HK2: variants seen among roughly 807,000 people sequenced by gnomAD.
The protein encoded by HK2 is hexokinase 2.
A neutral mutation model predicts 92.9 loss-of-function variants in HK2; 42 were observed. The ratio of observed to expected loss-of-function variants is 0.45; its 90% CI spans 0.35 to 0.58. HK2 has a LOEUF of 0.58. Among genes scored for constraint, HK2 ranks in the 20% least tolerant of loss-of-function variants. The pLI is 0.00. For synonymous variants in HK2, 422 were observed against 468.0 expected (o/e 0.90, Z 1.27); for missense variants, 978 against 1,245.1 (o/e 0.79, Z 3.23).
rs1427539612 is a variant in HK2 at position 74,834,136 on chromosome 2, C to G, written c.-445C>G. 2 of 333,062 alleles carry G rather than the reference C, an allele frequency of 6.0e-6. No individual in the cohort carries two copies. The highest frequency in any genetic ancestry group is 1.2e-5 in the Non-Finnish European group (2 of 168,870). 20.6% of individuals were successfully genotyped at this position (333,062 alleles called of 1,614,324 possible). A position where few individuals can be genotyped will look rare whatever the true frequency, so the allele number is the denominator to read the frequency against. On this transcript the variant is annotated 5_prime_UTR_variant, in exon 1 of 18. Coordinates refer to ENST00000290573, the MANE Select transcript of HK2 (RefSeq NM_000189.5). The surrounding 1 kb of genome is among the most constrained non-coding windows in gnomAD (Gnocchi z 4.2). ...AGCCCCTCAATAAGCCACATTGTTG[C>G]ATGAAACTCCGGCGCAGGAGTCCCG...
At chr2:74,845,641 G>A (rs2103852421) in intron 1 of HK2, among the ~76,000 whole-genome samples, 1 of 152,370 alleles carries the variant, frequency 6.6e-6, no homozygotes, top group Admixed American at 6.5e-5. Flanking sequence ...GCTGCCTCGG[G>A]TTTGTGAGTC....
chr2:74,847,352 C>G (rs745541063), intron 1 of HK2, among the ~76,000 whole-genome samples: 1 of 152,044 alleles, frequency 6.6e-6, no homozygotes, highest in Non-Finnish European at 1.5e-5. Flanking sequence ...ATTTCTAGAA[C>G]GAGAGTCATC....
chr2:74,888,145 C>T, intron 16 of HK2, 87 bp downstream of exon 16: 4 of 1,428,766 alleles, frequency 2.8e-6, no homozygotes, highest in Non-Finnish European at 3.9e-6. Context: ...TAACTCAGGG[C>T]ATGACTCATA....
In HK2 at chr2:74,873,929, T is replaced by C. The variant is rs768374896; in HGVS notation, c.677T>C (p.Ile226Thr). The C allele has an allele frequency of 1.6e-5, 26 of 1,612,634 alleles. 1 individual carries two copies. Among genetic ancestry groups the C allele is most frequent in the South Asian group, 3.3e-5 (3 of 91,036 alleles). The change falls in exon 6 of 18, where the codon ATT (isoleucine) becomes ACT (threonine). Residue 226 changes from isoleucine (I) to threonine (T), a missense_variant. By Grantham distance (89) the Ile-to-Thr change is moderately conservative (BLOSUM62 -1). Transcript: ENST00000290573. ...TCGYDDHNCE[I>T]GLIVGTGSNA... is the part of the protein sequence containing the mutation. ...GGTTATGATGACCACAACTGTGAGA[T>C]TGGTCTCATTGTGGGTGAGTGAACA...
intron 7 of HK2, 78 bp from the exon 8 acceptor site, chr2:74,877,088 C>A: frequency 6.4e-7 from 1 of 1,572,206 alleles, no homozygotes; most frequent in Non-Finnish European, 8.7e-7. Context: ...TGCACGTGTG[C>A]GCATCTTGCT....
In HK2 at chr2:74,866,686, T is replaced by C. The variant is rs72820083; in HGVS notation, c.227-950T>C. 9.9e-3 allele frequency among the ~76,000 whole-genome samples: 1,505 copies of C among 152,210 alleles called. 13 individuals are homozygous for C. The highest frequency in any genetic ancestry group is 0.02 in the Middle Eastern group (6 of 294). On this transcript the variant is annotated intron_variant, in intron 2 of 17. Transcript: ENST00000290573. ...CTGTGTCTGTGGCTCCTTTCTGGAGTCTCACTCATCCTCTTTCCTGCTCCC... is the reference window on the plus strand; with the variant it reads ...CTGTGTCTGTGGCTCCTTTCTGGAGCCTCACTCATCCTCTTTCCTGCTCCC...
intron 10 of HK2, 91 bp downstream of exon 10, chr2:74,880,660 C>A: frequency 7.7e-7 from 1 of 1,291,446 alleles, no homozygotes; most frequent in Non-Finnish European, 1.1e-6. Context: ...TAGCATTGGA[C>A]ATTTGAACCA....
intron 2 of HK2, among the ~76,000 whole-genome samples, chr2:74,863,983 C>G (rs1421647169): frequency 6.6e-6 from 1 of 152,232 alleles, no homozygotes. Flanking sequence ...GGATCAAATA[C>G]AGTCCAGTGT....
At chr2:74,883,220 C>T (rs1180395517) in intron 12 of HK2, among the ~76,000 whole-genome samples, 2 of 152,202 alleles carry the variant, frequency 1.3e-5, no homozygotes, top group African/African-American at 4.8e-5. Flanking sequence ...GTATAAAAGG[C>T]ATGGCTCCTA....
rs542078984 is a variant in HK2 at position 74,844,825 on chromosome 2, G to C, written c.64-9468G>C. 3.9e-5 allele frequency among the ~76,000 whole-genome samples: 6 copies of C among 152,346 alleles called. No homozygotes were observed. In the East Asian group the frequency reaches 9.6e-4, roughly 24 times the overall value. On this transcript the variant is annotated intron_variant, in intron 1 of 17. Transcript: ENST00000290573. ...AGCCTGAAGAGCAAGGCCCGACACA[G>C]AGCACCTGGTCAGTCGGGAGTAGCC...
rs1170346470 is a variant in HK2, at chr2:74,873,912, T to C, written c.660T>C (p.Asp220=). The C allele has an allele frequency of 6.2e-7, 1 of 1,613,938 alleles. No individual in the cohort carries two copies. Among genetic ancestry groups the C allele is most frequent in the Non-Finnish European group, 8.5e-7 (1 of 1,179,848 alleles). The part of the protein sequence containing the change: ...TVGTMMTCGY[D]DHNCEIGLIV... ...GGACCATGATGACCTGTGGTTATGA[T>C]GACCACAACTGTGAGATTGGTCTCA... Residue 220 remains aspartate, a synonymous_variant, in exon 6 of 18, where the codon GAT becomes GAC. Transcript: ENST00000290573.
chr2:74,854,606 A>G, intron 2 of HK2, 151 bp downstream of exon 2: 1 of 868,714 alleles, frequency 1.2e-6, no homozygotes, highest in Non-Finnish European at 1.9e-6. Context: ...TGTGTGACGG[A>G]TGGACAGGAA....
At chr2:74,851,810 CTG>C (rs1558790689) in intron 1 of HK2, among the ~76,000 whole-genome samples, 1 of 152,206 alleles carries the variant, frequency 6.6e-6, no homozygotes, top group Non-Finnish European at 1.5e-5. Context: ...TCAGTCACCT[CTG>C]TGTGCCTCAC....
At chr2:74,865,442 G>T (rs1412175406) in intron 2 of HK2, among the ~76,000 whole-genome samples, 1 of 152,212 alleles carries the variant, frequency 6.6e-6, no homozygotes, top group South Asian at 2.1e-4. Context: ...AGCGGATCGC[G>T]TGTATCCTGG....
intron 3 of HK2, 33 bp from the exon 4 acceptor site, chr2:74,872,267 C>A (rs765989195): frequency 6.2e-7 from 1 of 1,613,278 alleles, no homozygotes; most frequent in Non-Finnish European, 8.5e-7. Context: ...TGTTCGACCT[C>A]TCTGCTCACC....
At chr2:74,890,034 G>A (rs982561158) in intron 17 of HK2, among the ~76,000 whole-genome samples, 2 of 152,186 alleles carry the variant, frequency 1.3e-5, no homozygotes, top group Non-Finnish European at 2.9e-5. Flanking sequence ...TGAACATTCT[G>A]GCAAATGTAA....
Position 74,880,301 on chromosome 2 carries a change from G to A in HK2, c.1302G>A (p.Leu434=), listed in dbSNP as rs752466610. 3 of 1,614,158 alleles carry A rather than the reference G, an allele frequency of 1.9e-6. No individual in the cohort carries two copies. The East Asian group carries it at 6.7e-5, about 36-fold the overall frequency. Residue 434 remains leucine, a synonymous_variant, in exon 10 of 18, where the codon CTG becomes CTA. Coordinates refer to ENST00000290573, the MANE Select transcript of HK2 (RefSeq NM_000189.5). ...AKRLHKTVRR[L]VPGCDVRFLR... is the part of the protein sequence containing the mutation. ...GTCTACATAAGACCGTGCGGCGGCT[G>A]GTGCCCGGCTGCGATGTCCGCTTCC...
chr2:74,869,393 T>C (rs552921692), intron 3 of HK2, among the ~76,000 whole-genome samples: 1 of 152,206 alleles, frequency 6.6e-6, no homozygotes, highest in Non-Finnish European at 1.5e-5. Context: ...TCCCCCTTTT[T>C]TGGTACTTGG....
At chr2:74,887,572 G>A (rs1035521035) in intron 15 of HK2, among the ~76,000 whole-genome samples, 12 of 152,088 alleles carry the variant, frequency 7.9e-5, no homozygotes, top group African/African-American at 2.7e-4. Context: ...GGGTTATGGT[G>A]TGTTCCTTCT....
Sources: allele counts gnomAD v4.1 joint callset (sites outside exome capture counted in the v4.1 genomes callset), GRCh38; gene constraint gnomAD v4.1.1; non-coding constraint Gnocchi (gnomAD v3.1); transcripts MANE v1.5; gene names NCBI Gene and HGNC (gene_info 2026-07-23, HGNC 2026-07-21).